HDAC9: variants seen among roughly 807,000 people sequenced by gnomAD.
HDAC9 encodes histone deacetylase 9, also known as MEF-2 interacting transcription repressor (MITR) protein.
HDAC9 carries 41 observed loss-of-function variants against 139.4 expected under a neutral mutation model. The ratio of observed to expected loss-of-function variants is 0.29; its 90% CI spans 0.23 to 0.38. HDAC9 has a LOEUF of 0.38. Ranked by LOEUF, HDAC9 falls within the 10% of genes least tolerant of loss-of-function variation. HDAC9 has a pLI of 1.00. For synonymous variants in HDAC9, 517 were observed against 476.2 expected (o/e 1.09, Z -1.12); for missense variants, 1,147 against 1,297.0 (o/e 0.88, Z 1.78).
chr7:18,960,545 TCCA>T, intron 24 of HDAC9, among the ~76,000 whole-genome samples: 1 of 152,090 alleles, frequency 6.6e-6, no homozygotes, highest in South Asian at 2.1e-4. Context: ...TTATTATATT[TCCA>T]ATGGGAGATA....
chr7:18,195,830 A>G (rs917723525), intron 2 of HDAC9, among the ~76,000 whole-genome samples: 3 of 152,088 alleles, frequency 2.0e-5, no homozygotes, highest in South Asian at 2.1e-4. Context: ...TAAATGTTTC[A>G]TCATAACGTG....
At chr7:18,587,105 T>C (rs1373120973) in intron 3 of HDAC9, among the ~76,000 whole-genome samples, 1 of 152,194 alleles carries the variant, frequency 6.6e-6, no homozygotes, top group Non-Finnish European at 1.5e-5. Context: ...GATAAGTTAC[T>C]GCTTTAGATA....
chr7:18,362,425 C>T (rs879711831), intron 1 of HDAC9, among the ~76,000 whole-genome samples: 4 of 152,066 alleles, frequency 2.6e-5, no homozygotes, highest in Non-Finnish European at 4.4e-5. Flanking sequence ...TTAGATGATC[C>T]AGTCATTAAA....
intron 2 of HDAC9, among the ~76,000 whole-genome samples, chr7:18,220,546 G>A (rs1437385951): frequency 6.6e-6 from 1 of 152,094 alleles, no homozygotes; most frequent in African/African-American, 2.4e-5. Flanking sequence ...AAGAGAGAAG[G>A]AGTGTCATAA....
At chr7:18,597,017 C>A (rs1832690796) in intron 6 of HDAC9, among the ~76,000 whole-genome samples, 1 of 152,068 alleles carries the variant, frequency 6.6e-6, no homozygotes, top group African/African-American at 2.4e-5. Context: ...ACAGTGATAA[C>A]CCGGGAACAG....
chr7:18,307,585 C>G (rs1317683441), intron 1 of HDAC9, among the ~76,000 whole-genome samples: 4 of 152,096 alleles, frequency 2.6e-5, no homozygotes, highest in African/African-American at 9.7e-5. Flanking sequence ...GGCAGATCAC[C>G]TGAGGTCAGG....
intron 2 of HDAC9, among the ~76,000 whole-genome samples, chr7:18,199,555 G>T (rs997904673): frequency 2.0e-5 from 3 of 152,022 alleles, no homozygotes; most frequent in Non-Finnish European, 2.9e-5. Flanking sequence ...GTAGGCCAAG[G>T]CAGAAGGATT....
chr7:18,424,934 TAAG>T (rs1452409023), intron 1 of HDAC9, among the ~76,000 whole-genome samples: 3 of 152,092 alleles, frequency 2.0e-5, no homozygotes, highest in Non-Finnish European at 4.4e-5. Context: ...ATAATAGTAA[TAAG>T]AATATGTTTT....
At chr7:18,429,844 C>G (rs1284322781) in intron 1 of HDAC9, among the ~76,000 whole-genome samples, 2 of 152,106 alleles carry the variant, frequency 1.3e-5, no homozygotes, top group African/African-American at 4.8e-5. Context: ...CTGAATTCTT[C>G]TTTAAATTAA....
At chr7:18,728,402 A>AACACACACACACAAACACAC (rs1785732123) in intron 13 of HDAC9, among the ~76,000 whole-genome samples, 1 of 145,554 alleles carries the variant, frequency 6.9e-6, no homozygotes, top group Non-Finnish European at 1.5e-5. Context: ...TTAAGTGTGG[A>AACACACACACACAAACACAC]ACACACACAC....
intron 1 of HDAC9, among the ~76,000 whole-genome samples, chr7:18,302,798 GC>G (rs1798628163): frequency 6.6e-6 from 1 of 152,130 alleles, no homozygotes; most frequent in South Asian, 2.1e-4. Context: ...CCTAGGGAGT[GC>G]TCAGTAGTCA....
At chr7:18,551,911 G>A (rs1817270881) in intron 2 of HDAC9, among the ~76,000 whole-genome samples, 2 of 152,144 alleles carry the variant, frequency 1.3e-5, no homozygotes, top group South Asian at 4.1e-4. Context: ...TGTATTTTAT[G>A]TATTATTATC....
chr7:18,390,673 C>T (rs908322957), intron 1 of HDAC9, among the ~76,000 whole-genome samples: 2 of 152,198 alleles, frequency 1.3e-5, no homozygotes, highest in African/African-American at 4.8e-5. Context: ...AGCCAGAAGT[C>T]TTCAGTTCTG....
chr7:18,321,774 G>A (rs530326306), intron 1 of HDAC9, among the ~76,000 whole-genome samples: 10 of 152,092 alleles, frequency 6.6e-5, no homozygotes, highest in East Asian at 5.8e-4. Flanking sequence ...GATGAGACGC[G>A]CCCTGGTGCA....
intron 21 of HDAC9, among the ~76,000 whole-genome samples, chr7:18,851,971 G>C (rs1268947194): frequency 2.0e-5 from 3 of 152,192 alleles, no homozygotes; most frequent in Non-Finnish European, 4.4e-5. Flanking sequence ...GCCTGTGTGG[G>C]AAATACCTTA....
In HDAC9 at chr7:18,345,673, C is replaced by T. The variant is rs528608643; in HGVS notation, c.-42+55158C>T. Among the ~76,000 whole-genome samples the T allele has an allele frequency of 7.9e-5, 12 of 151,606 alleles. No homozygotes were observed. The South Asian group carries it at 1.2e-3, about 16-fold the overall frequency. On this transcript the variant is annotated intron_variant, in intron 1 of 3. Coordinates refer to the HDAC9 transcript ENST00000413509. ...CATAGAAAGAGGTGCATTTGTTTCTCACAGGTGGATGAGAATTCATTTTAT... is the reference window on the plus strand; with the variant it reads ...CATAGAAAGAGGTGCATTTGTTTCTTACAGGTGGATGAGAATTCATTTTAT...
At chr7:18,339,437 A>T (rs1017795234) in intron 1 of HDAC9, among the ~76,000 whole-genome samples, 4 of 151,410 alleles carry the variant, frequency 2.6e-5, no homozygotes, top group African/African-American at 9.7e-5. Flanking sequence ...TTTTAGCAGC[A>T]ATCTGCAGAT....
intron 2 of HDAC9, among the ~76,000 whole-genome samples, chr7:18,578,341 A>G (rs1214159386): frequency 6.6e-6 from 1 of 152,214 alleles, no homozygotes; most frequent in Non-Finnish European, 1.5e-5. Flanking sequence ...AAGAAGCTCT[A>G]CTGAGCAGAG....
At chr7:18,609,861 A>G (rs1836615427) in intron 6 of HDAC9, among the ~76,000 whole-genome samples, 1 of 143,750 alleles carries the variant, frequency 7.0e-6, no homozygotes, top group Non-Finnish European at 1.5e-5. Context: ...GTTCCCACCT[A>G]TGAGTGAGAA....
Sources: gnomAD v4.1 joint callset for allele counts (sites outside exome capture counted in the v4.1 genomes callset) on GRCh38, gnomAD v4.1.1 for gene constraint, MANE v1.5 for transcripts, NCBI Gene and HGNC (gene_info 2026-07-23, HGNC 2026-07-21) for gene names.